The following TPD52L1 variants were observed in gnomAD, a reference collection of about 807,000 sequenced individuals.
The protein encoded by TPD52L1 is tumor protein D53.
TPD52L1 carries 18 observed loss-of-function variants against 28.7 expected under a neutral mutation model. That is an observed-to-expected ratio of 0.63 (90% CI 0.43 to 0.93). The LOEUF (loss-of-function observed/expected upper bound fraction) is 0.93. TPD52L1 is among the 40% of genes least tolerant of loss of function. The pLI, the probability that TPD52L1 is intolerant of heterozygous loss-of-function variation, is 0.00. For synonymous variants in TPD52L1, 75 were observed against 88.8 expected, an observed-to-expected ratio of 0.84 and a Z score of 0.88; for missense variants, 203 against 254.8, an observed-to-expected ratio of 0.80 and a Z score of 1.39.
chr6:125,178,655 C>CAA (rs1165648168), intron 1 of TPD52L1, among the ~76,000 whole-genome samples: 1 of 122,732 alleles, frequency 8.1e-6, no homozygotes, highest in Non-Finnish European at 1.8e-5. Context: ...CAAAACAAAA[C>CAA]AAAATATATA....
At chr6:125,219,767 C>G in intron 1 of TPD52L1, 1 of 386,340 alleles carries the variant, frequency 2.6e-6, no homozygotes. Flanking sequence ...TGCCCTTACG[C>G]CTCATGAGAC....
At chr6:125,220,938 T>C (rs914821315) in intron 2 of TPD52L1, among the ~76,000 whole-genome samples, 3 of 152,102 alleles carry the variant, frequency 2.0e-5, no homozygotes, top group African/African-American at 7.2e-5. Flanking sequence ...AGGCCAACAT[T>C]CCCTCTGCAT....
intron 2 of TPD52L1, chr6:125,221,995 CAG>C (rs1161468995): frequency 9.8e-5 from 15 of 152,310 alleles, no homozygotes; most frequent in African/African-American, 3.6e-4. Context: ...TGGTGAAAAG[CAG>C]AGAAAGTGTA....
At chr6:125,191,334 G>A (rs1468494445) in intron 1 of TPD52L1, among the ~76,000 whole-genome samples, 2 of 152,142 alleles carry the variant, frequency 1.3e-5, no homozygotes, top group Non-Finnish European at 2.9e-5. Flanking sequence ...TGCTTGATGT[G>A]TTTCTGTGAA....
rs770018708 is a variant in TPD52L1 at position 125,262,995 on chromosome 6, G to A, written c.*33G>A. 18 of 1,595,746 alleles carry A rather than the reference G, an allele frequency of 1.1e-5. No homozygotes were observed. Among genetic ancestry groups the A allele is most frequent in the African/African-American group, 4.0e-5 (3 of 74,320 alleles). On this transcript the variant is annotated 3_prime_UTR_variant, in exon 7 of 7. Coordinates refer to ENST00000534000, the MANE Select transcript of TPD52L1 (RefSeq NM_003287.4). The stretch of plus-strand genomic sequence containing the variant: ...CAGCGTGCAGCTGCATCCAGAAACC[G>A]GCCACTACCCAGCCCATCTCTGCCT...
At chr6:125,214,213 A>T (rs936085997) in intron 1 of TPD52L1, among the ~76,000 whole-genome samples, 1 of 152,182 alleles carries the variant, frequency 6.6e-6, no homozygotes, top group African/African-American at 2.4e-5. Context: ...CATGGGAATC[A>T]TATTGATATA....
chr6:125,160,583 C>G (rs1306045788), intron 1 of TPD52L1, among the ~76,000 whole-genome samples: 1 of 152,156 alleles, frequency 6.6e-6, no homozygotes, highest in East Asian at 1.9e-4. Context: ...GAGCATGTAA[C>G]TTAAAGTCAC....
chr6:125,160,139 C>T (rs1193221737), intron 1 of TPD52L1, among the ~76,000 whole-genome samples: 7 of 152,040 alleles, frequency 4.6e-5, no homozygotes, highest in South Asian at 2.1e-4. Context: ...TTCCTAGTCT[C>T]GGGTATGTCT....
At chr6:125,247,601 A>G (rs1000610747) in intron 3 of TPD52L1, among the ~76,000 whole-genome samples, 2 of 152,094 alleles carry the variant, frequency 1.3e-5, no homozygotes, top group Admixed American at 1.3e-4. Flanking sequence ...TCTACTATTT[A>G]TTGAGTTTCT....
intron 1 of TPD52L1, among the ~76,000 whole-genome samples, chr6:125,159,961 G>C (rs937611491): frequency 5.3e-4 from 80 of 152,118 alleles, no homozygotes; most frequent in Admixed American, 5.9e-4. Context: ...TTCCCATGCT[G>C]TTCTCATGAT....
At chr6:125,203,631 G>A in intron 1 of TPD52L1, 2 of 985,378 alleles carry the variant, frequency 2.0e-6, no homozygotes, top group Non-Finnish European at 2.4e-6. Context: ...TAATGACACA[G>A]CAGAAACCCT....
chr6:125,184,001 A>T (rs1003664159), intron 1 of TPD52L1, among the ~76,000 whole-genome samples: 1 of 152,204 alleles, frequency 6.6e-6, no homozygotes, highest in Non-Finnish European at 1.5e-5. Context: ...GCATCTATCA[A>T]TCAGGGTCCA....
At chr6:125,172,561 A>ATATATATAATATATATATATAATATATAT (rs1562215221) in intron 1 of TPD52L1, among the ~76,000 whole-genome samples, 1 of 90,494 alleles carries the variant, frequency 1.1e-5, no homozygotes, top group African/African-American at 4.9e-5. Flanking sequence ...TAATATATAT[A>ATATATATAATATATATATATAATATATAT]CTATATGGCA....
chr6:125,223,516 C>T (rs1795393325), intron 2 of TPD52L1, among the ~76,000 whole-genome samples: 1 of 152,004 alleles, frequency 6.6e-6, no homozygotes, highest in Non-Finnish European at 1.5e-5. Flanking sequence ...CGAGACCAGC[C>T]TGTCCAACAT....
chr6:125,243,074 C>T (rs1234315145), intron 3 of TPD52L1, among the ~76,000 whole-genome samples: 1 of 152,094 alleles, frequency 6.6e-6, no homozygotes, highest in Non-Finnish European at 1.5e-5. Flanking sequence ...TTGCTGGATA[C>T]AAAATTCTTG....
intron 3 of TPD52L1, among the ~76,000 whole-genome samples, chr6:125,238,027 C>T (rs889176483): frequency 3.3e-5 from 5 of 152,186 alleles, no homozygotes; most frequent in African/African-American, 2.4e-5. Context: ...TTACTGAAAC[C>T]TTCATCAGCA....
At chr6:125,256,505 A>C (rs1441778912) in intron 5 of TPD52L1, among the ~76,000 whole-genome samples, 4 of 152,236 alleles carry the variant, frequency 2.6e-5, no homozygotes, top group Non-Finnish European at 5.9e-5. Context: ...AAATAATGAA[A>C]GCATTAACTT....
chr6:125,202,571 G>A (rs1372766193), intron 1 of TPD52L1, among the ~76,000 whole-genome samples: 2 of 151,508 alleles, frequency 1.3e-5, no homozygotes, highest in African/African-American at 2.4e-5. Context: ...AGAAGAAGGA[G>A]GATGAGGAGG....
At chr6:125,185,894 ATTT>A (rs536833440) in intron 1 of TPD52L1, among the ~76,000 whole-genome samples, 3 of 130,462 alleles carry the variant, frequency 2.3e-5, no homozygotes, top group Admixed American at 8.2e-5. Context: ...TGGAAATTTG[ATTT>A]TTTTTTTTTT....
Sources: gnomAD v4.1 joint callset for allele counts (sites outside exome capture counted in the v4.1 genomes callset) on GRCh38, gnomAD v4.1.1 for gene constraint, MANE v1.5 for transcripts, NCBI Gene and HGNC (gene_info 2026-07-23, HGNC 2026-07-21) for gene names.